ELAVL2: variants seen among roughly 807,000 people sequenced by gnomAD.
ELAVL2 encodes the protein ELAV-like protein 2.
ELAVL2 carries 4 observed loss-of-function variants against 34.6 expected under a neutral mutation model. The observed-to-expected ratio is 0.12, with a 90% CI of 0.06 to 0.26. The LOEUF is 0.26. ELAVL2 is among the 10% of genes least tolerant of loss of function. The pLI is 1.00. For missense variants in ELAVL2, 432 were observed against 442.8 expected, an observed-to-expected ratio of 0.98 and a Z score of 0.22; for synonymous variants, 193 against 154.8, an observed-to-expected ratio of 1.25 and a Z score of -1.83.
intron 6 of ELAVL2, 75 bp from the exon 7 acceptor site, chr9:23,692,959 T>G: frequency 7.4e-7 from 1 of 1,357,020 alleles, no homozygotes; most frequent in Non-Finnish European, 1.0e-6. Context: ...AATGAACGTA[T>G]ACCTTTTCCA....
chr9:23,734,953 A>C (rs1189954392), intron 2 of ELAVL2, among the ~76,000 whole-genome samples: 1 of 151,926 alleles, frequency 6.6e-6, no homozygotes, highest in Non-Finnish European at 1.5e-5. Flanking sequence ...GTCTCTCTGA[A>C]TTTAGAATGT....
At chr9:23,701,211 C>G (rs1273441859) in intron 5 of ELAVL2, among the ~76,000 whole-genome samples, 168 bp downstream of exon 5, 1 of 152,168 alleles carries the variant, frequency 6.6e-6, no homozygotes, top group Non-Finnish European at 1.5e-5. Context: ...AGACACTATT[C>G]CTCAAGTAGA....
intron 1 of ELAVL2, among the ~76,000 whole-genome samples, chr9:23,774,007 C>T (rs747714212): frequency 3.3e-5 from 5 of 151,722 alleles, no homozygotes; most frequent in East Asian, 1.9e-4. Context: ...GTCAGGATAT[C>T]GAGACCACCC....
intron 2 of ELAVL2, among the ~76,000 whole-genome samples, chr9:23,759,496 G>A (rs1270423348): frequency 4.6e-5 from 7 of 151,480 alleles, no homozygotes; most frequent in Admixed American, 2.6e-4. Flanking sequence ...CCACAGAAGG[G>A]TGACTATGGT....
At chr9:23,737,229 G>C (rs10966056) in intron 2 of ELAVL2, among the ~76,000 whole-genome samples, 2 of 151,974 alleles carry the variant, frequency 1.3e-5, no homozygotes, top group South Asian at 2.1e-4. Flanking sequence ...ACAAATGAAG[G>C]AGCAGCAGCA....
At chr9:23,770,689 T>C (rs2057147358) in intron 1 of ELAVL2, among the ~76,000 whole-genome samples, 1 of 152,178 alleles carries the variant, frequency 6.6e-6, no homozygotes, top group African/African-American at 2.4e-5. Flanking sequence ...ATAAAGACTC[T>C]GGGAGGAATG....
chr9:23,817,950 G>A (rs2138398444), intron 1 of ELAVL2, among the ~76,000 whole-genome samples: 1 of 152,188 alleles, frequency 6.6e-6, no homozygotes, highest in South Asian at 2.1e-4. Flanking sequence ...TTTCCACTTG[G>A]CAAATTTACG....
intron 1 of ELAVL2, among the ~76,000 whole-genome samples, chr9:23,823,657 A>G (rs1025626611): frequency 1.3e-5 from 2 of 152,222 alleles, no homozygotes; most frequent in African/African-American, 4.8e-5. Flanking sequence ...TTATCTGTTC[A>G]TAGTCTGACA....
At chr9:23,763,772 A>T (rs2055599630) in intron 1 of ELAVL2, among the ~76,000 whole-genome samples, 1 of 152,120 alleles carries the variant, frequency 6.6e-6, no homozygotes, top group Admixed American at 6.6e-5. Flanking sequence ...TGTCATGATA[A>T]AAAAACATGA....
the ELAVL2 span, among the ~76,000 whole-genome samples, chr9:23,835,384 C>T: frequency 2.0e-5 from 3 of 152,020 alleles, no homozygotes; most frequent in Non-Finnish European, 4.4e-5. Flanking sequence ...GGAACCAGTT[C>T]CAATCTACTT....
chr9:23,788,879 G>A (rs1270812669), intron 1 of ELAVL2, among the ~76,000 whole-genome samples: 1 of 152,194 alleles, frequency 6.6e-6, no homozygotes, highest in East Asian at 1.9e-4. Flanking sequence ...ACACTATTCA[G>A]AAGTACACGC....
At chr9:23,786,386 G>T (rs1411647882) in intron 1 of ELAVL2, among the ~76,000 whole-genome samples, 1 of 151,962 alleles carries the variant, frequency 6.6e-6, no homozygotes, top group Non-Finnish European at 1.5e-5. Context: ...AAATTTACAG[G>T]ACATGAATGA....
chr9:23,773,204 A>T (rs759880639), intron 1 of ELAVL2, among the ~76,000 whole-genome samples: 1 of 152,216 alleles, frequency 6.6e-6, no homozygotes, highest in Non-Finnish European at 1.5e-5. Context: ...AAGAATGTAT[A>T]TAAGAGTTAA....
intron 5 of ELAVL2, among the ~76,000 whole-genome samples, chr9:23,693,723 C>A (rs2034068496): frequency 1.3e-5 from 2 of 152,178 alleles, no homozygotes; most frequent in South Asian, 4.1e-4. Context: ...CAGTGACGGT[C>A]ATCTGAGGAT....
intron 2 of ELAVL2, among the ~76,000 whole-genome samples, chr9:23,742,734 C>T (rs1483936848): frequency 6.6e-6 from 1 of 152,158 alleles, no homozygotes; most frequent in African/African-American, 2.4e-5. Flanking sequence ...CATCCATCGT[C>T]CCCAGTCGAC....
intron 1 of ELAVL2, among the ~76,000 whole-genome samples, chr9:23,806,853 T>TGTCCC (rs949114400): frequency 3.9e-5 from 6 of 152,284 alleles, no homozygotes; most frequent in African/African-American, 1.4e-4. Context: ...TCATACCTGC[T>TGTCCC]GTCCCTGTAA....
the ELAVL2 span, among the ~76,000 whole-genome samples, chr9:23,850,236 C>G: frequency 1.0e-4 from 15 of 147,426 alleles, no homozygotes; most frequent in African/African-American, 3.5e-4. Flanking sequence ...ACCACCACCA[C>G]CCCCCCCGCC....
intron 2 of ELAVL2, among the ~76,000 whole-genome samples, chr9:23,750,468 C>T (rs1015726919): frequency 2.0e-5 from 3 of 152,008 alleles, no homozygotes; most frequent in African/African-American, 7.3e-5. Flanking sequence ...CCTGGTATAA[C>T]ATTGTTAGAT....
At chr9:23,766,719 G>C (rs921314959) in intron 1 of ELAVL2, among the ~76,000 whole-genome samples, 5 of 152,112 alleles carry the variant, frequency 3.3e-5, no homozygotes, top group Non-Finnish European at 7.4e-5. Context: ...TTTATGGGAA[G>C]TTATAAATAA....
Sources: allele counts gnomAD v4.1 joint callset (sites outside exome capture counted in the v4.1 genomes callset), GRCh38; gene constraint gnomAD v4.1.1; transcripts MANE v1.5; gene names NCBI Gene and HGNC (gene_info 2026-07-23, HGNC 2026-07-21).